Variants in C21orf91 observed in about 807,000 individuals in gnomAD.
C21orf91 encodes the protein protein EURL homolog.
C21orf91 carries 26 observed loss-of-function variants against 32.9 expected under a neutral mutation model. The ratio of observed to expected loss-of-function variants is 0.79; its 90% CI spans 0.58 to 1.10. The LOEUF (loss-of-function observed/expected upper bound fraction) is 1.10. C21orf91 is among the 50% of genes least tolerant of loss of function. The pLI, the probability that C21orf91 is intolerant of heterozygous loss-of-function variation, is 0.00. For missense variants in C21orf91, 310 were observed against 341.3 expected, an observed-to-expected ratio of 0.91 and a Z score of 0.72; for synonymous variants, 126 against 120.4, an observed-to-expected ratio of 1.05 and a Z score of -0.31.
At chr21:17,796,357 A>G (rs940876068) in intron 3 of C21orf91, among the ~76,000 whole-genome samples, 9 of 152,226 alleles carry the variant, frequency 5.9e-5, no homozygotes, top group African/African-American at 2.2e-4. Context: ...ATCATTTTAA[A>G]TGGCAAAACA....
At chr21:17,811,937 A>G (rs545522366) in intron 2 of C21orf91, among the ~76,000 whole-genome samples, 2 of 152,256 alleles carry the variant, frequency 1.3e-5, no homozygotes, top group East Asian at 3.9e-4. Flanking sequence ...ATGAACATAT[A>G]TATACTCCTC....
intron 2 of C21orf91, among the ~76,000 whole-genome samples, chr21:17,803,722 G>A (rs536012820): frequency 1.3e-5 from 2 of 152,210 alleles, no homozygotes; most frequent in East Asian, 3.9e-4. Flanking sequence ...AAAAATGGGA[G>A]GGTAGCCAAA....
chr21:17,811,731 T>C lies in C21orf91; in HGVS notation c.127+6461A>G, dbSNP rs539663577. Among the ~76,000 whole-genome samples the C allele has an allele frequency of 3.3e-5, 5 of 152,278 alleles. No homozygotes were observed. In the East Asian group the frequency reaches 5.8e-4, roughly 18 times the overall value. The stretch of plus-strand genomic sequence containing the variant: ...ATTTCTTTTCATCTCTGTTAGACTA[T>C]TGGGATAAATGAACTATGACTCTGA... On this transcript the variant is annotated intron_variant, in intron 2 of 4. Transcript: ENST00000284881.
chr21:17,806,818 C>T (rs969750297), intron 2 of C21orf91, among the ~76,000 whole-genome samples: 3 of 151,712 alleles, frequency 2.0e-5, no homozygotes, highest in Non-Finnish European at 2.9e-5. Context: ...CCAGCCTGGG[C>T]AACAAAGCGA....
intron 2 of C21orf91, among the ~76,000 whole-genome samples, chr21:17,807,709 A>C (rs2062607452): frequency 6.6e-6 from 1 of 152,184 alleles, no homozygotes; most frequent in East Asian, 1.9e-4. Context: ...ACTGGGGTAA[A>C]GGTCACTCTT....
At chr21:17,806,863 A>G (rs1600884216) in intron 2 of C21orf91, among the ~76,000 whole-genome samples, 1 of 151,812 alleles carries the variant, frequency 6.6e-6, no homozygotes, top group Non-Finnish European at 1.5e-5. Flanking sequence ...AAGCCTGGGC[A>G]CTCCATCCAA....
intron 2 of C21orf91, among the ~76,000 whole-genome samples, chr21:17,806,598 G>C (rs1454979598): frequency 6.6e-6 from 1 of 152,200 alleles, no homozygotes; most frequent in Admixed American, 6.5e-5. Flanking sequence ...CAACACTTTG[G>C]GAGGCCAAGG....
At chr21:17,795,004 CAAAA>C (rs56814896) in intron 4 of C21orf91, among the ~76,000 whole-genome samples, 200 bp downstream of exon 4, 4 of 104,586 alleles carry the variant, frequency 3.8e-5, no homozygotes, top group Non-Finnish European at 4.1e-5. Context: ...GATTCTGTCG[CAAAA>C]AAAAAAAAAA....
chr21:17,799,058 C>G (rs1221431666), intron 2 of C21orf91, among the ~76,000 whole-genome samples: 1 of 152,110 alleles, frequency 6.6e-6, no homozygotes, highest in Non-Finnish European at 1.5e-5. Flanking sequence ...ACTGCCTCAG[C>G]TCTATGTAGC....
At chr21:17,798,015 T>C (rs1169567857) in intron 2 of C21orf91, among the ~76,000 whole-genome samples, 1 of 152,012 alleles carries the variant, frequency 6.6e-6, no homozygotes, top group African/African-American at 2.4e-5. Context: ...AGCCATGTTA[T>C]TAAAGTTAAA....
intron 2 of C21orf91, among the ~76,000 whole-genome samples, chr21:17,798,877 T>C (rs772997467): frequency 2.0e-5 from 3 of 152,226 alleles, no homozygotes; most frequent in Non-Finnish European, 2.9e-5. Context: ...CTGATTCCAA[T>C]GCTTAGTTTT....
chr21:17,814,478 T>G (rs1018342297), intron 2 of C21orf91, among the ~76,000 whole-genome samples: 2 of 152,154 alleles, frequency 1.3e-5, no homozygotes, highest in Non-Finnish European at 2.9e-5. Flanking sequence ...AAGAAATACC[T>G]GAGACAGGGT....
intron 2 of C21orf91, chr21:17,817,989 TAA>T (rs202214417): frequency 6.2e-6 from 2 of 322,480 alleles, no homozygotes; most frequent in South Asian, 9.9e-5. Context: ...CAGGGGTCTT[TAA>T]AAAAAAAAGA....
rs2062453926 is a variant in C21orf91 at position 17,789,287 on chromosome 21, A to ACACACACACAC, written c.*4127_*4128insGTGTGTGTGTG. ...CACACACACACACACACACACACAC[A>ACACACACACAC]AAATGGAACTGAACAAAAGTCACTA... On this transcript the variant is annotated 3_prime_UTR_variant, in exon 5 of 5. Transcript: ENST00000284881. The ACACACACACAC allele has an allele frequency of 1.3e-5, 2 of 150,138 alleles. No homozygotes were observed. Among genetic ancestry groups the ACACACACACAC allele is most frequent in the African/African-American group, 4.9e-5 (2 of 40,770 alleles). The allele number at this position is 150,138 out of a possible 1,614,324, so 9.3% of individuals were successfully genotyped here. A position where few individuals can be genotyped will look rare whatever the true frequency, so the allele number is the denominator to read the frequency against.
chr21:17,793,666 A>AGTTAGAT, intron 4 of C21orf91, 85 bp from the exon 5 acceptor site: 2 of 844,406 alleles, frequency 2.4e-6, no homozygotes, highest in Non-Finnish European at 1.9e-6. Context: ...ACTGAAATCT[A>AGTTAGAT]TGCATTGGGC....
chr21:17,789,471 G>T lies in C21orf91; in HGVS notation c.*3944C>A, dbSNP rs562542580. On this transcript the variant is annotated 3_prime_UTR_variant, in exon 5 of 5. Coordinates refer to ENST00000284881, the MANE Select transcript of C21orf91 (RefSeq NM_001100420.2). ...TAATCTTTAAACCTTTTTTGGGAGA[G>T]GGCAATACTCATCTTCATGAATTTT... 2 of 151,938 alleles carry T rather than the reference G, an allele frequency of 1.3e-5. No homozygotes were observed. Among genetic ancestry groups the T allele is most frequent in the African/African-American group, 4.8e-5 (2 of 41,364 alleles). 9.4% of individuals were successfully genotyped at this position (151,938 alleles called of 1,614,324 possible).
At chr21:17,809,760 A>G (rs917950135) in intron 2 of C21orf91, among the ~76,000 whole-genome samples, 2 of 152,154 alleles carry the variant, frequency 1.3e-5, no homozygotes, top group Non-Finnish European at 2.9e-5. Context: ...ATCTCTAGCT[A>G]CTAGAGAATT....
intron 2 of C21orf91, among the ~76,000 whole-genome samples, chr21:17,806,195 A>T (rs2062592634): frequency 6.6e-6 from 1 of 152,170 alleles, no homozygotes; most frequent in South Asian, 2.1e-4. Context: ...ATGTTCTTAC[A>T]AACAAGACAT....
At chr21:17,810,668 C>T (rs902761116) in intron 2 of C21orf91, 1 of 152,318 alleles carries the variant, frequency 6.6e-6, no homozygotes, top group Non-Finnish European at 1.5e-5. Context: ...GTCTGCCTTA[C>T]TTGGATGGTG....
Sources: allele counts gnomAD v4.1 joint callset (sites outside exome capture counted in the v4.1 genomes callset), GRCh38; gene constraint gnomAD v4.1.1; transcripts MANE v1.5; gene names NCBI Gene and HGNC (gene_info 2026-07-23, HGNC 2026-07-21).